The following DSCAML1 variants were observed in gnomAD, a reference collection of about 807,000 sequenced individuals.
The protein encoded by DSCAML1 is DS cell adhesion molecule like 1.
DSCAML1 carries 38 observed loss-of-function variants against 200.5 expected under a neutral mutation model. The ratio of observed to expected loss-of-function variants is 0.19; its 90% CI spans 0.15 to 0.25. The LOEUF (loss-of-function observed/expected upper bound fraction) is 0.25, where lower values mean the gene tolerates loss of function less well. Among genes scored for constraint, DSCAML1 ranks in the 10% least tolerant of loss-of-function variants. The pLI is 1.00. For synonymous variants in DSCAML1, 1,215 were observed against 1,165.0 expected, an observed-to-expected ratio of 1.04 and a Z score of -0.87; for missense variants, 2,223 against 2,858.8, an observed-to-expected ratio of 0.78 and a Z score of 5.07.
At chr11:117,441,290 T>C (rs983767165) in intron 21 of DSCAML1, among the ~76,000 whole-genome samples, 9 of 152,202 alleles carry the variant, frequency 5.9e-5, no homozygotes. Flanking sequence ...GAGTCCACAG[T>C]GCAGCCACAG....
chr11:117,510,313 C>T (rs1460192100), intron 8 of DSCAML1, among the ~76,000 whole-genome samples: 2 of 152,190 alleles, frequency 1.3e-5, no homozygotes, highest in Admixed American at 6.5e-5. Context: ...CCAAAACACC[C>T]GGTTCCAGAC....
chr11:117,556,021 C>T (rs560140395), intron 3 of DSCAML1, among the ~76,000 whole-genome samples: 2 of 152,240 alleles, frequency 1.3e-5, no homozygotes, highest in African/African-American at 4.8e-5. Flanking sequence ...GTTGCACTGT[C>T]TGGGGCCAAG....
chr11:117,612,355 C>A (rs1005684145), intron 3 of DSCAML1, among the ~76,000 whole-genome samples: 2 of 152,206 alleles, frequency 1.3e-5, no homozygotes, highest in African/African-American at 4.8e-5. Context: ...TGTTTCCCAT[C>A]AGTCTGGAAG....
intron 3 of DSCAML1, among the ~76,000 whole-genome samples, chr11:117,653,681 C>T (rs762175190): frequency 2.8e-4 from 43 of 152,082 alleles, no homozygotes; most frequent in Admixed American, 9.8e-4. Context: ...AATCACCATA[C>T]GACCCAGCCA....
chr11:117,677,905 C>T (rs1035826207), intron 3 of DSCAML1, among the ~76,000 whole-genome samples: 7 of 152,280 alleles, frequency 4.6e-5, no homozygotes, highest in East Asian at 3.9e-4. Flanking sequence ...TGCTGCACCG[C>T]GCCTCTGACA....
At chr11:117,604,115 C>G (rs182162166) in intron 3 of DSCAML1, among the ~76,000 whole-genome samples, 1 of 152,196 alleles carries the variant, frequency 6.6e-6, no homozygotes, top group Non-Finnish European at 1.5e-5. Flanking sequence ...TATTCTGGAG[C>G]CTGAGCTCAT....
At chr11:117,468,489 A>G (rs2048626415) in intron 16 of DSCAML1, among the ~76,000 whole-genome samples, 1 of 152,074 alleles carries the variant, frequency 6.6e-6, no homozygotes, top group African/African-American at 2.4e-5. Context: ...TACTTTACAT[A>G]TTTATTCATC....
intron 3 of DSCAML1, among the ~76,000 whole-genome samples, chr11:117,670,340 ATC>A: frequency 2.6e-5 from 4 of 152,004 alleles, no homozygotes; most frequent in Admixed American, 2.6e-4. Flanking sequence ...CAAATGAGTT[ATC>A]ATTCAGAACG....
At chr11:117,454,078 GT>G (rs2048332511) in intron 19 of DSCAML1, among the ~76,000 whole-genome samples, 1 of 152,100 alleles carries the variant, frequency 6.6e-6, no homozygotes, top group Non-Finnish European at 1.5e-5. Context: ...TCTTTCATCA[GT>G]TTTGAAACAT....
intron 8 of DSCAML1, among the ~76,000 whole-genome samples, chr11:117,510,340 G>A (rs935631409): frequency 2.6e-5 from 4 of 152,184 alleles, no homozygotes; most frequent in African/African-American, 7.2e-5. Context: ...ACCCATTTAA[G>A]TGACTGTGGG....
Position 117,438,945 on chromosome 11 carries a change from A to G in DSCAML1, c.4183T>C (p.Ser1395Pro). 6.2e-7 allele frequency: 1 copy of G among 1,608,638 alleles called. No homozygotes were observed. Among genetic ancestry groups the G allele is most frequent in the Non-Finnish European group, 8.5e-7 (1 of 1,178,024 alleles). Residue 1395 changes from serine (S) to proline (P), a missense_variant, in exon 24 of 33, where the codon TCA becomes CCA. Around this residue, in one of 7 missense-constraint regions of DSCAML1, gnomAD observed 614 missense variants for 739.1 expected, o/e 0.83. Coordinates refer to ENST00000651296, the MANE Select transcript of DSCAML1 (RefSeq NM_020693.4). ...CAGGTCAGGGTGATGGACGAAGCTG[A>G]GGTTTTGGAGACAGTGAGGCGGGGC... ...DQPRLTVSKT[S>P]ASSITLTWIP...
At chr11:117,812,202 T>G (rs1318782246) in intron 1 of DSCAML1, among the ~76,000 whole-genome samples, 1 of 152,160 alleles carries the variant, frequency 6.6e-6, no homozygotes, top group Non-Finnish European at 1.5e-5. Context: ...CGACCAATCA[T>G]GCACCCCTTA....
At chr11:117,816,558 C>A (rs1269363090) in intron 1 of DSCAML1, among the ~76,000 whole-genome samples, 3 of 152,220 alleles carry the variant, frequency 2.0e-5, no homozygotes, top group Non-Finnish European at 4.4e-5. Context: ...TAATCTCCCC[C>A]ACAGCAGCCC....
In DSCAML1 at chr11:117,482,147, G is replaced by C; in HGVS notation, c.2375C>G (p.Thr792Ser). 1 of 1,614,150 alleles carries C rather than the reference G, an allele frequency of 6.2e-7. No individual in the cohort carries two copies. The highest frequency in any genetic ancestry group is 1.1e-5 in the South Asian group (1 of 91,088). The change falls in exon 12 of 33, where the codon ACT becomes AGT. Residue 792 changes from threonine (T) to serine (S), a missense_variant. By Grantham distance (58) the Thr-to-Ser change is moderately conservative (BLOSUM62 1). This residue lies in a region of DSCAML1 where 438 missense variants were observed against 629.7 expected (regional missense o/e 0.70). Coordinates refer to ENST00000651296, the MANE Select transcript of DSCAML1 (RefSeq NM_020693.4). The part of the protein sequence containing the change: ...FLTVKIPAMI[T>S]SHPNTTIAIK... ...GGCGATGGTGGTGTTGGGGTGGGAA[G>C]TGATCATGGCCGGGACTGGGGGGCG... is the stretch of plus-strand genomic sequence containing the variant.
At chr11:117,500,750 C>T (rs1303492597) in intron 11 of DSCAML1, among the ~76,000 whole-genome samples, 2 of 152,210 alleles carry the variant, frequency 1.3e-5, no homozygotes, top group African/African-American at 4.8e-5. Flanking sequence ...GGTATAGACA[C>T]TCCCCATTAG....
At chr11:117,643,106 G>C (rs1265765237) in intron 3 of DSCAML1, among the ~76,000 whole-genome samples, 1 of 152,104 alleles carries the variant, frequency 6.6e-6, no homozygotes, top group East Asian at 1.9e-4. Flanking sequence ...ATGTCTCCTT[G>C]TTTCCATGTA....
chr11:117,656,844 C>A (rs763138282), intron 3 of DSCAML1, among the ~76,000 whole-genome samples: 12 of 152,202 alleles, frequency 7.9e-5, no homozygotes, highest in South Asian at 2.1e-4. Flanking sequence ...GTAGCTGTAG[C>A]CCTCAAATGC....
chr11:117,629,599 C>T (rs902803242), intron 3 of DSCAML1, among the ~76,000 whole-genome samples: 1 of 151,588 alleles, frequency 6.6e-6, no homozygotes, highest in Non-Finnish European at 1.5e-5. Context: ...ACCCACACAA[C>T]GGGAGAGATG....
At chr11:117,773,353 A>T in intron 3 of DSCAML1, among the ~76,000 whole-genome samples, 1 of 152,174 alleles carries the variant, frequency 6.6e-6, no homozygotes, top group East Asian at 1.9e-4. Flanking sequence ...AGCTGAGCCC[A>T]GCCCTGCAGA....
Sources: allele counts gnomAD v4.1 joint callset (sites outside exome capture counted in the v4.1 genomes callset), GRCh38; gene constraint gnomAD v4.1.1; regional missense constraint gnomAD v4.1.1; transcripts MANE v1.5; gene names NCBI Gene and HGNC (gene_info 2026-07-23, HGNC 2026-07-21).